ATAD3A: variants seen among roughly 807,000 people sequenced by gnomAD.
The protein encoded by ATAD3A is ATPase family AAA domain containing 3A, also known as ATPase family AAA domain-containing protein 3A.
ATAD3A carries 46 observed loss-of-function variants against 73.8 expected under a neutral mutation model. The ratio of observed to expected loss-of-function variants is 0.62; its 90% CI spans 0.49 to 0.80. ATAD3A has a LOEUF of 0.80. Among genes scored for constraint, ATAD3A ranks in the 30% least tolerant of loss-of-function variants. The pLI is 0.00. For synonymous variants in ATAD3A, 319 were observed against 350.0 expected, an observed-to-expected ratio of 0.91 and a Z score of 0.99; for missense variants, 705 against 838.0, an observed-to-expected ratio of 0.84 and a Z score of 1.96.
intron 4 of ATAD3A, among the ~76,000 whole-genome samples, chr1:1,518,627 C>CCT: frequency 1.1e-5 from 1 of 93,438 alleles, no homozygotes; most frequent in African/African-American, 5.2e-5. Context: ...ACACACCCCC[C>CCT]CCCACAGGCA....
chr1:1,518,621 A>ACTCCCC lies in ATAD3A; in HGVS notation c.445-299_445-298insTCCCCC, dbSNP rs1553125091. Among the ~76,000 whole-genome samples the ACTCCCC allele has an allele frequency of 1.4e-3, 54 of 38,092 alleles. No individual in the cohort carries two copies. The East Asian group carries it at 0.017, about 12-fold the overall frequency. The allele number at this position is 38,092 out of a possible 152,430, so 25.0% of individuals were successfully genotyped here. ...CACACACCCACACACGGGCGTACAC[A>ACTCCCC]CCCCCCCCCACAGGCACGCACAACC... On this transcript the variant is annotated intron_variant, in intron 4 of 15. Coordinates refer to ENST00000378756, the MANE Select transcript of ATAD3A (RefSeq NM_001170535.3).
chr1:1,523,504 C>T lies in ATAD3A; in HGVS notation c.907-7C>T. ...ACCCGATGGCGCTTCCCCTTCCCCT[C>T]CGGCAGGTCAGCCGGCGGCTCCTCA... On this transcript the variant is annotated splice_region_variant and splice_polypyrimidine_tract_variant and intron_variant, in intron 8 of 15. Coordinates refer to ENST00000378756, the MANE Select transcript of ATAD3A (RefSeq NM_001170535.3). The surrounding 1 kb of genome is among the most constrained non-coding windows in gnomAD (Gnocchi z 5.1). 1 of 1,611,728 alleles carries T rather than the reference C, an allele frequency of 6.2e-7. No individual in the cohort carries two copies.
At chr1:1,515,924 T>A in intron 1 of ATAD3A, 88 bp from the exon 2 acceptor site, 1 of 1,515,108 alleles carries the variant, frequency 6.6e-7, no homozygotes, top group Non-Finnish European at 9.0e-7. Flanking sequence ...TGGCCGTGGA[T>A]TCCAGAAAGC....
chr1:1,515,879 G>A, intron 1 of ATAD3A, 133 bp from the exon 2 acceptor site: 1 of 872,944 alleles, frequency 1.1e-6, no homozygotes, highest in South Asian at 1.6e-5. Context: ...GAAGGAGGAT[G>A]GGGAGGCAGG....
In ATAD3A at chr1:1,520,487, C is replaced by G. The variant is rs1172974758; in HGVS notation, c.681-61C>G. 1.8e-5 allele frequency: 29 copies of G among 1,613,606 alleles called. No individual in the cohort carries two copies. The highest frequency in any genetic ancestry group is 2.4e-5 in the Non-Finnish European group (28 of 1,179,648). ...ATGTCAGGGCCTCACCCTCAACCTG[C>G]TCTCGCTGCGTGGCACGGATCTTCG... is the stretch of plus-strand genomic sequence containing the variant. On this transcript the variant is annotated intron_variant, in intron 6 of 15. Transcript: ENST00000378756. This position sits in a 1 kb window ranked among gnomAD's most constrained non-coding sequence, Gnocchi z 4.0.
chr1:1,528,011 G>A, intron 14 of ATAD3A, 149 bp downstream of exon 14: 2 of 1,028,770 alleles, frequency 1.9e-6, no homozygotes, highest in African/African-American at 1.7e-5. Context: ...CCAGGCTGGA[G>A]TGCAGTGACA....
chr1:1,524,073 G>A, intron 10 of ATAD3A, 109 bp downstream of exon 10: 1 of 1,589,636 alleles, frequency 6.3e-7, no homozygotes, highest in Non-Finnish European at 8.5e-7. Context: ...TTAGGCCTTT[G>A]CCCACCCTCG....
intron 1 of ATAD3A, among the ~76,000 whole-genome samples, chr1:1,515,404 A>T (rs887840814): frequency 6.6e-6 from 1 of 152,138 alleles, no homozygotes; most frequent in Non-Finnish European, 1.5e-5. Context: ...AAGTTTTATG[A>T]TGGGAAAACT....
At position 1,525,231 on chromosome 1, in the gene ATAD3A, C is replaced by T. The variant is rs375954457; in HGVS notation, c.1215-9C>T. On this transcript the variant is annotated splice_polypyrimidine_tract_variant and intron_variant, in intron 11 of 15. Transcript: ENST00000378756. ...CTCTCGCCCTGCTTGGCCTCCCTCT[C>T]GTTCACAGCCTCCTGCTCTTTGTGG... The T allele has an allele frequency of 4.0e-4, 646 of 1,613,672 alleles. 1 individual carries two copies. The highest frequency in any genetic ancestry group is 4.8e-4 in the Non-Finnish European group (565 of 1,179,958).
intron 15 of ATAD3A, among the ~76,000 whole-genome samples, chr1:1,530,171 C>T (rs1010804541): frequency 4.6e-5 from 7 of 152,198 alleles, no homozygotes; most frequent in East Asian, 1.9e-4. Context: ...TCTCAAACCC[C>T]GTCCTTGTGG....
chr1:1,525,376 A>T, intron 12 of ATAD3A, 85 bp downstream of exon 12: 1 of 1,463,160 alleles, frequency 6.8e-7, no homozygotes, highest in Non-Finnish European at 9.4e-7. Flanking sequence ...CCCTCTGTTC[A>T]GTTTCTTTTT....
At chr1:1,519,063 C>T in intron 5 of ATAD3A, 73 bp downstream of exon 5, 2 of 1,611,224 alleles carry the variant, frequency 1.2e-6, no homozygotes, top group Non-Finnish European at 1.7e-6. Context: ...CACTCTGAGC[C>T]TGAGTTCTGC....
At chr1:1,525,684 G>T (rs1158102786) in intron 12 of ATAD3A, among the ~76,000 whole-genome samples, 1 of 152,080 alleles carries the variant, frequency 6.6e-6, no homozygotes, top group Admixed American at 6.6e-5. Flanking sequence ...AAAGTGCTGG[G>T]ATTACAGGCG....
chr1:1,514,703 C>T (rs1411139760), intron 1 of ATAD3A, among the ~76,000 whole-genome samples: 1 of 152,198 alleles, frequency 6.6e-6, no homozygotes, highest in Non-Finnish European at 1.5e-5. Flanking sequence ...TACACCTGAG[C>T]TGAGAACAGA....
intron 2 of ATAD3A, 165 bp from the exon 3 acceptor site, chr1:1,517,146 A>G (rs1570322227): frequency 6.5e-7 from 1 of 1,548,608 alleles, no homozygotes; most frequent in Non-Finnish European, 8.7e-7. Flanking sequence ...GGATTCCTCC[A>G]GGGCCTGATC....
At position 1,527,754 on chromosome 1, in the gene ATAD3A, G is replaced by A. The variant is rs867354699; in HGVS notation, c.1397G>A (p.Arg466His). 2.5e-6 allele frequency: 4 copies of A among 1,613,870 alleles called. No individual in the cohort carries two copies. Among genetic ancestry groups the A allele is most frequent in the East Asian group, 2.2e-5 (1 of 44,882 alleles). ...PEQFDWAINDRINEMVHFDLP... is the reference protein window; with the variant it reads ...PEQFDWAINDHINEMVHFDLP... ...CAGTTCGACTGGGCCATCAATGACC[G>A]CATCAATGAGATGGTCCACTTCGAC... Residue 466 changes from arginine to histidine, a missense_variant, in exon 14 of 16, where the codon CGC becomes CAC. By Grantham distance (29) the Arg-to-His change is conservative. Around this residue, in one of 5 missense-constraint regions of ATAD3A, gnomAD observed 252 missense variants for 278.5 expected, o/e 0.90. Transcript: ENST00000378756.
At chr1:1,531,683 C>T (rs1384631152) in intron 15 of ATAD3A, among the ~76,000 whole-genome samples, 1 of 151,484 alleles carries the variant, frequency 6.6e-6, no homozygotes, top group East Asian at 1.9e-4. Flanking sequence ...GAGGCTGAGG[C>T]AGGAGAATGG....
chr1:1,513,812 G>A lies in ATAD3A; in HGVS notation c.205+1339G>A, dbSNP rs571770264. Among the ~76,000 whole-genome samples, 36 of 152,174 alleles carry A rather than the reference G, an allele frequency of 2.4e-4. 1 individual carries two copies. Among genetic ancestry groups the A allele is most frequent in the South Asian group, 1.5e-3 (7 of 4,810 alleles). ...GCCCCTTTCCTGGCAGCGGGTCGCC[G>A]AGATTCGGCCGGAGCCCATTGCTTT... is the stretch of plus-strand genomic sequence containing the variant. On this transcript the variant is annotated intron_variant, in intron 1 of 15. Transcript: ENST00000378756.
At chr1:1,518,624 C>T (rs1570326869) in intron 4 of ATAD3A, among the ~76,000 whole-genome samples, 1 of 98,926 alleles carries the variant, frequency 1.0e-5, no homozygotes, top group Non-Finnish European at 2.0e-5. Context: ...CGTACACACC[C>T]CCCCCCACAG....
Sources: gnomAD v4.1 joint callset for allele counts (sites outside exome capture counted in the v4.1 genomes callset) on GRCh38, gnomAD v4.1.1 for gene constraint, gnomAD v4.1.1 regional missense constraint, Gnocchi (gnomAD v3.1) non-coding constraint, MANE v1.5 for transcripts, NCBI Gene and HGNC (gene_info 2026-07-23, HGNC 2026-07-21) for gene names.